Variants in CCDC66 observed in about 807,000 individuals in gnomAD.
CCDC66 encodes the protein coiled-coil domain containing 66.
Under a neutral mutation model 128.3 loss-of-function variants are expected in CCDC66, and 133 were observed. The observed-to-expected ratio is 1.04, with a 90% CI of 0.90 to 1.20. The LOEUF (loss-of-function observed/expected upper bound fraction) is 1.20, where lower values mean the gene tolerates loss of function less well. CCDC66 is among the 50% of genes most tolerant of loss of function. CCDC66 has a pLI of 0.00. For missense variants in CCDC66, 1,126 were observed against 1,075.5 expected, an observed-to-expected ratio of 1.05 and a Z score of -0.66; for synonymous variants, 387 against 357.0, an observed-to-expected ratio of 1.08 and a Z score of -0.95.
intron 7 of CCDC66, among the ~76,000 whole-genome samples, chr3:56,584,308 G>A (rs145202173): frequency 0.12 from 8,856 of 75,300 alleles, 470 homozygotes; most frequent in Non-Finnish European, 0.22. Context: ...GGTGGCTGCC[G>A]GGCGGAGGGG....
chr3:56,571,598 G>A (rs374629380), intron 7 of CCDC66, among the ~76,000 whole-genome samples: 7 of 151,878 alleles, frequency 4.6e-5, no homozygotes, highest in East Asian at 1.9e-4. Flanking sequence ...GGATGGTCTC[G>A]AACTCCTGGC....
At chr3:56,618,717 G>GA (rs1245369286) in intron 15 of CCDC66, 2 of 157,010 alleles carry the variant, frequency 1.3e-5, no homozygotes, top group African/African-American at 4.8e-5. Context: ...TATCTAAGGA[G>GA]AAACAGTAGG....
intron 7 of CCDC66, among the ~76,000 whole-genome samples, chr3:56,583,508 A>T (rs1174998364): frequency 6.6e-6 from 1 of 151,818 alleles, no homozygotes; most frequent in Non-Finnish European, 1.5e-5. Context: ...ACTCTTAGGG[A>T]GCATGCTGCC....
intron 4 of CCDC66, among the ~76,000 whole-genome samples, chr3:56,565,915 C>G (rs1425335999): frequency 6.6e-6 from 1 of 152,240 alleles, no homozygotes; most frequent in African/African-American, 2.4e-5. Context: ...ATCCGCCCAC[C>G]TTGGCCTCCC....
At chr3:56,594,424 C>G (rs560756100) in intron 10 of CCDC66, among the ~76,000 whole-genome samples, 1 of 151,978 alleles carries the variant, frequency 6.6e-6, no homozygotes, top group South Asian at 2.1e-4. Flanking sequence ...CGGTGGCTCA[C>G]GCCTGTAATC....
rs2064998988 is a variant in CCDC66, at chr3:56,560,804, T to A, written c.102+1210T>A. On this transcript the variant is annotated intron_variant, in intron 3 of 17. Transcript: ENST00000394672. ...TTCTTTTTTAATTTTTAGATTAATA[T>A]CAGTAGGAATTTCTCTTCTCTTCCA... is the stretch of plus-strand genomic sequence containing the variant. 7 of 433,480 alleles carry A rather than the reference T, an allele frequency of 1.6e-5. 1 individual carries two copies. In the Middle Eastern group the frequency reaches 1.4e-3, roughly 84 times the overall value. 26.9% of individuals were successfully genotyped at this position (433,480 alleles called of 1,614,324 possible).
chr3:56,572,297 A>G lies in CCDC66; in HGVS notation c.936+995A>G, dbSNP rs774733454. Reference sequence around the variant, plus strand: ...TGTGGTTAATTTTGGGTAAAGAAACAGTGTCACTGTTTTTCTATTTATTTT... The same window carrying G: ...TGTGGTTAATTTTGGGTAAAGAAACGGTGTCACTGTTTTTCTATTTATTTT... On this transcript the variant is annotated intron_variant, in intron 7 of 17. Coordinates refer to ENST00000394672, the MANE Select transcript of CCDC66 (RefSeq NM_001141947.3). The G allele has an allele frequency of 2.6e-6, 3 of 1,159,806 alleles. No homozygotes were observed. In the South Asian group the frequency reaches 3.8e-5, roughly 15 times the overall value. 71.8% of individuals were successfully genotyped at this position (1,159,806 alleles called of 1,614,324 possible).
chr3:56,581,730 G>C (rs1344544423), intron 7 of CCDC66, among the ~76,000 whole-genome samples: 1 of 151,852 alleles, frequency 6.6e-6, no homozygotes, highest in African/African-American at 2.4e-5. Flanking sequence ...CAGAACAGCA[G>C]ATATTGCAGA....
rs1445011386 is a variant in CCDC66 at position 56,557,241 on chromosome 3, C to T, written c.-2C>T. ...TCTGTGGAGAGAGTGCGAGGTCAGG[C>T]CATGAACTTGGGGTAAGCAGGGGTA... is the stretch of plus-strand genomic sequence containing the variant. On this transcript the variant is annotated 5_prime_UTR_variant, in exon 1 of 18. Transcript: ENST00000394672. 1.8e-6 allele frequency: 2 copies of T among 1,124,580 alleles called. No individual in the cohort carries two copies. Among genetic ancestry groups the T allele is most frequent in the Non-Finnish European group, 2.5e-6 (2 of 791,368 alleles). The allele number at this position is 1,124,580 out of a possible 1,614,324, so 69.7% of individuals were successfully genotyped here.
chr3:56,576,646 A>G lies in CCDC66; in HGVS notation c.936+5344A>G, dbSNP rs958234357. ...TGTTTAGTTCCCACCTATAAGTGAG[A>G]ACATGCAATGTTTGGTTTTCTCTCC... On this transcript the variant is annotated intron_variant, in intron 7 of 17. Transcript: ENST00000394672. Among the ~76,000 whole-genome samples the G allele has an allele frequency of 6.1e-5, 9 of 147,538 alleles. 1 individual carries two copies. The highest frequency in any genetic ancestry group is 1.4e-4 in the Admixed American group (2 of 13,856).
At chr3:56,619,556 A>G in intron 16 of CCDC66, 29 bp downstream of exon 16, 1 of 1,548,334 alleles carries the variant, frequency 6.5e-7, no homozygotes, top group Non-Finnish European at 8.6e-7. Context: ...TTCTAACTGT[A>G]AAAATTGAAG....
At chr3:56,566,911 T>C in intron 5 of CCDC66, 39 bp from the exon 6 acceptor site, 1 of 1,544,936 alleles carries the variant, frequency 6.5e-7, no homozygotes, top group Non-Finnish European at 8.9e-7. Context: ...TGTAGAAATG[T>C]ATGATACAGT....
intron 10 of CCDC66, among the ~76,000 whole-genome samples, chr3:56,600,350 T>C (rs2072941400): frequency 1.3e-5 from 2 of 151,882 alleles, no homozygotes. Flanking sequence ...CATTTCACCA[T>C]GTTGGCCAGG....
intron 10 of CCDC66, among the ~76,000 whole-genome samples, chr3:56,601,000 A>G (rs1349938602): frequency 2.6e-5 from 4 of 151,820 alleles, no homozygotes; most frequent in African/African-American, 7.3e-5. Context: ...CCATTTGTCA[A>G]TTTCAGCTTT....
At position 56,557,180 on chromosome 3, in the gene CCDC66, G is replaced by T. The variant is rs62255965; in HGVS notation, c.-63G>T. On this transcript the variant is annotated 5_prime_UTR_variant, in exon 1 of 18. Transcript: ENST00000394672. The stretch of plus-strand genomic sequence containing the variant: ...CAATTGGCGTAGCGCTTGCTGAGCG[G>T]CGGCGGCAACCGACGTACACAAGGG... 30 of 1,550,120 alleles carry T rather than the reference G, an allele frequency of 1.9e-5. No individual in the cohort carries two copies. The highest frequency in any genetic ancestry group is 2.5e-5 in the Non-Finnish European group (29 of 1,146,178).
Position 56,617,192 on chromosome 3 carries a change from T to C in CCDC66, c.1924T>C (p.Ser642Pro). 6.2e-7 allele frequency: 1 copy of C among 1,613,462 alleles called. No individual in the cohort carries two copies. Among genetic ancestry groups the C allele is most frequent in the Non-Finnish European group, 8.5e-7 (1 of 1,179,798 alleles). Reference protein sequence around the residue: ...LMERDITNCSSPEISAELIGQ... With the variant: ...LMERDITNCSPPEISAELIGQ... ...GGAGAGGGACATCACAAATTGTTCA[T>C]CTCCTGAGATTTCGGCAGAACTTAT... Residue 642 changes from serine to proline, a missense_variant, in exon 14 of 18, where the codon TCT (serine) becomes CCT (proline). Coordinates refer to ENST00000394672, the MANE Select transcript of CCDC66 (RefSeq NM_001141947.3).
chr3:56,566,512 G>T, intron 4 of CCDC66, 82 bp from the exon 5 acceptor site: 2 of 866,392 alleles, frequency 2.3e-6, no homozygotes, highest in Admixed American at 2.3e-5. Flanking sequence ...TGTAAGACAT[G>T]TAAGAACTGT....
chr3:56,620,019 A>G lies in CCDC66; in HGVS notation c.2760+118A>G, dbSNP rs549333495. 9 of 1,085,192 alleles carry G rather than the reference A, an allele frequency of 8.3e-6. No homozygotes were observed. In the South Asian group the frequency reaches 1.7e-4, roughly 20 times the overall value. The allele number at this position is 1,085,192 out of a possible 1,614,324, so 67.2% of individuals were successfully genotyped here. On this transcript the variant is annotated intron_variant, in intron 17 of 17. Transcript: ENST00000394672. ...GTGCATCCCAGGATTTAACAAAAAT[A>G]TTTCAGTTCCTGTATGTTTGTTAGA... is the stretch of plus-strand genomic sequence containing the variant.
chr3:56,577,492 A>G (rs571659151), intron 7 of CCDC66, among the ~76,000 whole-genome samples: 1 of 149,774 alleles, frequency 6.7e-6, no homozygotes, highest in East Asian at 2.0e-4. Flanking sequence ...CATTTTGTCC[A>G]TGATGTCCTG....
Sources: allele counts gnomAD v4.1 joint callset (sites outside exome capture counted in the v4.1 genomes callset), GRCh38; gene constraint gnomAD v4.1.1; transcripts MANE v1.5; gene names NCBI Gene and HGNC (gene_info 2026-07-23, HGNC 2026-07-21).